LRRC4C: variants seen among roughly 807,000 people sequenced by gnomAD.
LRRC4C encodes leucine-rich repeat-containing protein 4C.
Under a neutral mutation model 33.6 loss-of-function variants are expected in LRRC4C, and 5 were observed. That is an observed-to-expected ratio of 0.15 (90% CI 0.08 to 0.31). The LOEUF (loss-of-function observed/expected upper bound fraction) is 0.31, where lower values mean the gene tolerates loss of function less well. Ranked by LOEUF, LRRC4C falls within the 10% of genes least tolerant of loss-of-function variation. The probability of loss-of-function intolerance (pLI) is 1.00; values close to 1 mark genes in which losing one functional copy is unlikely to be tolerated. For missense variants in LRRC4C, 560 were observed against 796.7 expected (o/e 0.70, Z 3.58); for synonymous variants, 329 against 302.0 (o/e 1.09, Z -0.93).
chr11:41,363,962 A>C (rs924187847), intron 1 of LRRC4C, among the ~76,000 whole-genome samples: 1 of 152,192 alleles, frequency 6.6e-6, no homozygotes, highest in African/African-American at 2.4e-5. Context: ...GTTCCCACTC[A>C]AAACCCCATA....
At chr11:41,004,621 A>G (rs1417173572) in intron 1 of LRRC4C, among the ~76,000 whole-genome samples, 1 of 152,194 alleles carries the variant, frequency 6.6e-6, no homozygotes, top group Admixed American at 6.5e-5. Flanking sequence ...TCAATTTCAC[A>G]TCACCATGAC....
At chr11:41,178,204 T>A (rs982179533) in intron 1 of LRRC4C, among the ~76,000 whole-genome samples, 1 of 152,154 alleles carries the variant, frequency 6.6e-6, no homozygotes, top group Non-Finnish European at 1.5e-5. Context: ...TATGAGTGAG[T>A]TAAACTGATT....
chr11:40,380,068 A>G (rs1251097014), intron 3 of LRRC4C, among the ~76,000 whole-genome samples: 1 of 152,198 alleles, frequency 6.6e-6, no homozygotes, highest in Non-Finnish European at 1.5e-5. Flanking sequence ...GAGAGCATGT[A>G]TATTTCAGTG....
chr11:40,186,771 C>T (rs1455141926), intron 5 of LRRC4C, among the ~76,000 whole-genome samples: 1 of 152,184 alleles, frequency 6.6e-6, no homozygotes, highest in East Asian at 1.9e-4. Context: ...TCCTGAAAGC[C>T]TGCCTCTCTC....
intron 1 of LRRC4C, among the ~76,000 whole-genome samples, chr11:41,272,636 A>T (rs972602978): frequency 6.6e-6 from 1 of 152,188 alleles, no homozygotes; most frequent in Non-Finnish European, 1.5e-5. Flanking sequence ...TATTAAAAAA[A>T]CTGCTTAATA....
At chr11:40,844,877 T>A (rs1467824645) in intron 2 of LRRC4C, among the ~76,000 whole-genome samples, 1 of 152,130 alleles carries the variant, frequency 6.6e-6, no homozygotes, top group Admixed American at 6.6e-5. Flanking sequence ...GATAAGGATA[T>A]GTGATAATGT....
At chr11:40,196,432 CA>C (rs1433767453) in intron 5 of LRRC4C, among the ~76,000 whole-genome samples, 1 of 152,212 alleles carries the variant, frequency 6.6e-6, no homozygotes, top group East Asian at 1.9e-4. Flanking sequence ...CCTATTGCAA[CA>C]TGCAAGTCTG....
intron 2 of LRRC4C, among the ~76,000 whole-genome samples, chr11:40,834,798 A>T (rs530196152): frequency 6.6e-6 from 1 of 152,014 alleles, no homozygotes; most frequent in African/African-American, 2.4e-5. Context: ...GGCCCTCAAC[A>T]TGTCTAAAGC....
At chr11:41,214,906 G>T (rs1202862228) in intron 1 of LRRC4C, among the ~76,000 whole-genome samples, 1 of 146,894 alleles carries the variant, frequency 6.8e-6, no homozygotes, top group African/African-American at 2.5e-5. Context: ...ATTAAAAATA[G>T]AAATGTTTAT....
intron 3 of LRRC4C, among the ~76,000 whole-genome samples, chr11:40,413,436 A>G (rs1365065032): frequency 6.6e-6 from 1 of 152,044 alleles, no homozygotes; most frequent in Non-Finnish European, 1.5e-5. Context: ...CCACATCTCA[A>G]CATTTGTAAA....
At chr11:40,552,861 G>A (rs1443258894) in intron 3 of LRRC4C, among the ~76,000 whole-genome samples, 1 of 152,152 alleles carries the variant, frequency 6.6e-6, no homozygotes, top group Non-Finnish European at 1.5e-5. Context: ...AAGTCCTGAT[G>A]TGCCAGCCAA....
intron 1 of LRRC4C, among the ~76,000 whole-genome samples, chr11:41,261,536 A>T (rs75403785): frequency 0.045 from 6,923 of 152,184 alleles, 200 homozygotes; most frequent in South Asian, 0.074. Context: ...GATAGGGTGA[A>T]TATATAATTT....
At chr11:40,529,885 T>C (rs1956204915) in intron 3 of LRRC4C, among the ~76,000 whole-genome samples, 1 of 152,118 alleles carries the variant, frequency 6.6e-6, no homozygotes, top group Admixed American at 6.6e-5. Context: ...TATCCTGCTT[T>C]AGTTGCTTTA....
chr11:40,388,635 C>A (rs1318300409), intron 3 of LRRC4C, among the ~76,000 whole-genome samples: 1 of 152,128 alleles, frequency 6.6e-6, no homozygotes, highest in African/African-American at 2.4e-5. Context: ...CAAGGAACAT[C>A]CAGATACCAA....
At chr11:41,101,479 T>C (rs1004144544) in intron 1 of LRRC4C, among the ~76,000 whole-genome samples, 5 of 152,056 alleles carry the variant, frequency 3.3e-5, no homozygotes, top group African/African-American at 1.2e-4. Context: ...ATGGCTGTTA[T>C]TAAAAAGTCA....
chr11:40,768,060 GAA>G (rs1949563062), intron 2 of LRRC4C, among the ~76,000 whole-genome samples: 1 of 151,804 alleles, frequency 6.6e-6, no homozygotes, highest in Non-Finnish European at 1.5e-5. Context: ...AAGATAAACA[GAA>G]TTGACAAACC....
rs191620621 is a variant in LRRC4C, at chr11:40,301,335, A to T, written c.-176+18293T>A. The stretch of plus-strand genomic sequence containing the variant: ...ATTAAATGTTTCTAAGGGAGAAGGT[A>T]TGTGTGCATAGATACTATGTGGTAG... On this transcript the variant is annotated intron_variant, in intron 4 of 6. Transcript: ENST00000528697. Among the ~76,000 whole-genome samples, 8 of 152,320 alleles carry T rather than the reference A, an allele frequency of 5.3e-5. No individual in the cohort carries two copies. The South Asian group carries it at 1.5e-3, about 28-fold the overall frequency.
intron 1 of LRRC4C, among the ~76,000 whole-genome samples, chr11:41,319,350 G>A (rs919317092): frequency 6.6e-6 from 1 of 152,118 alleles, no homozygotes; most frequent in Non-Finnish European, 1.5e-5. Flanking sequence ...TCATACTTAT[G>A]ATTATTAATA....
At chr11:40,975,952 C>T (rs1028277018) in intron 1 of LRRC4C, among the ~76,000 whole-genome samples, 1 of 152,154 alleles carries the variant, frequency 6.6e-6, no homozygotes, top group Non-Finnish European at 1.5e-5. Context: ...TCTCATCAGG[C>T]ATAGCCTTAG....
Sources: gnomAD v4.1 joint callset for allele counts (sites outside exome capture counted in the v4.1 genomes callset) on GRCh38, gnomAD v4.1.1 for gene constraint, MANE v1.5 for transcripts, NCBI Gene and HGNC (gene_info 2026-07-23, HGNC 2026-07-21) for gene names.